Variants in RGS3 observed in about 807,000 individuals in gnomAD.
The protein encoded by RGS3 is regulator of G-protein signalling 3.
A neutral mutation model predicts 132.6 loss-of-function variants in RGS3; 80 were observed. That is an observed-to-expected ratio of 0.60 (90% CI 0.50 to 0.73). RGS3 has a LOEUF of 0.73. Ranked by LOEUF, RGS3 falls within the 30% of genes least tolerant of loss-of-function variation. The pLI, the probability that RGS3 is intolerant of heterozygous loss-of-function variation, is 0.00. For synonymous variants in RGS3, 598 were observed against 620.6 expected, an observed-to-expected ratio of 0.96 and a Z score of 0.54; for missense variants, 1,382 against 1,530.8, an observed-to-expected ratio of 0.90 and a Z score of 1.62.
At chr9:113,460,664 A>C (rs1159830455) in intron 1 of RGS3, among the ~76,000 whole-genome samples, 1 of 151,938 alleles carries the variant, frequency 6.6e-6, no homozygotes, top group African/African-American at 2.4e-5. Context: ...AATTCCATCG[A>C]TCTGTCTTTT....
At chr9:113,594,406 C>G (rs769492791) in intron 21 of RGS3, 24 bp from the exon 20 acceptor site, 21 of 1,612,066 alleles carry the variant, frequency 1.3e-5, no homozygotes, top group Middle Eastern at 3.3e-4. Flanking sequence ...GCTGAGCAAC[C>G]CTCTTTTCTG....
intron 18 of RGS3, among the ~76,000 whole-genome samples, chr9:113,532,972 A>ACTG (rs1351067445): frequency 6.6e-6 from 1 of 152,150 alleles, no homozygotes; most frequent in Non-Finnish European, 1.5e-5. Flanking sequence ...TGCAAGAGGG[A>ACTG]GCATTCCTGC....
intron 7 of RGS3, 134 bp downstream of exon 5, chr9:113,485,827 A>T: frequency 1.6e-6 from 1 of 630,912 alleles, no homozygotes; most frequent in Non-Finnish European, 2.8e-6. Context: ...TAAATTGCAG[A>T]GGCTGCCCCT....
chr9:113,458,820 T>G (rs1829412131), upstream of RGS3, among the ~76,000 whole-genome samples: 1 of 152,162 alleles, frequency 6.6e-6, no homozygotes, highest in Non-Finnish European at 1.5e-5. Flanking sequence ...GGCATTATCT[T>G]GGCCCACTGC....
chr9:113,488,922 C>T (rs1830421653), intron 7 of RGS3, among the ~76,000 whole-genome samples: 2 of 152,238 alleles, frequency 1.3e-5, no homozygotes, highest in African/African-American at 2.4e-5. Context: ...AACTTCGGCT[C>T]TGCTGAATGC....
chr9:113,573,524 C>T (rs900051520), intron 19 of RGS3, among the ~76,000 whole-genome samples: 2 of 152,238 alleles, frequency 1.3e-5, no homozygotes, highest in Non-Finnish European at 2.9e-5. Context: ...CTCCTGCTTC[C>T]AAAGGCTGAC....
chr9:113,565,598 G>T lies in RGS3; in HGVS notation c.2038-17852G>T, dbSNP rs745339530. 3.2e-5 allele frequency: 8 copies of T among 250,562 alleles called. No individual in the cohort carries two copies. The highest frequency in any genetic ancestry group is 1.5e-3 in the Middle Eastern group (1 of 652). 15.5% of individuals were successfully genotyped at this position (250,562 alleles called of 1,614,324 possible). The stretch of plus-strand genomic sequence containing the variant: ...GGAGCTCTGTCTGGGGAAGGCAGCC[G>T]CTTGACACGGCCGCCAGGAGCTGCC... On this transcript the variant is annotated intron_variant, in intron 19 of 24. Transcript: ENST00000350696. The surrounding 1 kb of genome is among the most constrained non-coding windows in gnomAD (Gnocchi z 5.7).
intron 19 of RGS3, among the ~76,000 whole-genome samples, chr9:113,566,289 C>G (rs1834009403): frequency 6.6e-6 from 1 of 152,202 alleles, no homozygotes; most frequent in South Asian, 2.1e-4. Context: ...CCTCCAACCC[C>G]ATGGGAGAGG....
At chr9:113,568,313 G>C (rs1210274131) in intron 19 of RGS3, among the ~76,000 whole-genome samples, 1 of 152,222 alleles carries the variant, frequency 6.6e-6, no homozygotes, top group Admixed American at 6.5e-5. Context: ...CTAGAGCCCT[G>C]CTATCCTCTG....
chr9:113,448,326 C>G (rs1437871055), intron 1 of RGS3, among the ~76,000 whole-genome samples: 3 of 152,202 alleles, frequency 2.0e-5, no homozygotes, highest in African/African-American at 2.4e-5. Context: ...TCTCTCCCCC[C>G]AGCCCCATTG....
chr9:113,505,997 A>G (rs1831112329), intron 11 of RGS3, among the ~76,000 whole-genome samples: 1 of 152,186 alleles, frequency 6.6e-6, no homozygotes, highest in Non-Finnish European at 1.5e-5. Context: ...TGCCTACACA[A>G]GGGTGGGCAT....
At chr9:113,469,225 CG>C (rs1159531964) in intron 3 of RGS3, among the ~76,000 whole-genome samples, 3 of 152,102 alleles carry the variant, frequency 2.0e-5, no homozygotes, top group Middle Eastern at 3.4e-3. Context: ...GGGCAGTGCA[CG>C]GTCAGGCCCT....
At chr9:113,553,441 TAAAAAA>T (rs66536651) in intron 19 of RGS3, among the ~76,000 whole-genome samples, 24 of 20,424 alleles carry the variant, frequency 1.2e-3, no homozygotes, top group African/African-American at 4.0e-3. Context: ...AAACTCTGTT[TAAAAAA>T]AAAAAAAAAA....
Position 113,507,470 on chromosome 9 carries a change from C to T in RGS3, c.1269C>T (p.Ser423=), listed in dbSNP as rs371748720. The stretch of plus-strand genomic sequence containing the variant: ...AGGCACGGCCTGAGCAGCGCCACAG[C>T]TGCCACCTGGTATGTGACAGCTCTG... The change falls in exon 13 of 25, where the codon AGC becomes AGT. Residue 423 remains serine (S), a synonymous_variant. Coordinates refer to ENST00000350696, the Ensembl canonical transcript of RGS3. The surrounding 1 kb of genome is among the most constrained non-coding windows in gnomAD (Gnocchi z 5.0). 36 of 1,613,462 alleles carry T rather than the reference C, an allele frequency of 2.2e-5. No individual in the cohort carries two copies. In the African/African-American group the frequency reaches 4.8e-4, roughly 22 times the overall value.
chr9:113,483,019 G>A (rs1163061034), intron 4 of RGS3, 40 bp from the exon 3 acceptor site: 2 of 1,613,654 alleles, frequency 1.2e-6, no homozygotes, highest in Middle Eastern at 1.6e-4. Context: ...GTGTGTGTAT[G>A]TTTCCATTCA....
intron 24 of RGS3, 63 bp from the exon 23 acceptor site, chr9:113,596,705 A>AC: frequency 6.9e-7 from 1 of 1,453,018 alleles, no homozygotes; most frequent in Non-Finnish European, 9.3e-7. Context: ...CCTTCCAGGC[A>AC]CATGGGCCCT....
At chr9:113,597,395 T>C (rs1835841956) in exon 25 of RGS3, 1 of 155,858 alleles carries the variant, frequency 6.4e-6, no homozygotes, top group South Asian at 2.0e-4. Context: ...AAATAGTAGT[T>C]GGATGCTTGG....
intron 19 of RGS3, chr9:113,541,617 C>T (rs1377025966): frequency 1.8e-5 from 22 of 1,255,280 alleles, no homozygotes; most frequent in Non-Finnish European, 1.6e-5. Context: ...TGTGAGAGGC[C>T]TTGTGGGCAT....
intron 19 of RGS3, among the ~76,000 whole-genome samples, chr9:113,577,216 T>C (rs1485540544): frequency 1.3e-5 from 2 of 152,114 alleles, no homozygotes; most frequent in Non-Finnish European, 2.9e-5. Context: ...ACTCCTGACC[T>C]GAGGTGATCC....
Sources: gnomAD v4.1 joint callset for allele counts (sites outside exome capture counted in the v4.1 genomes callset) on GRCh38, gnomAD v4.1.1 for gene constraint, Gnocchi (gnomAD v3.1) non-coding constraint, MANE v1.5 for transcripts, NCBI Gene and HGNC (gene_info 2026-07-23, HGNC 2026-07-21) for gene names.